KHSRP: variants seen among roughly 807,000 people sequenced by gnomAD.
KHSRP encodes far upstream element-binding protein 2.
In KHSRP, 13 loss-of-function variants were observed where a neutral mutation model predicts 94.9. The ratio of observed to expected loss-of-function variants is 0.14; its 90% CI spans 0.09 to 0.22. The LOEUF is 0.22. KHSRP is among the 10% of genes least tolerant of loss of function. The pLI is 1.00. For synonymous variants in KHSRP, 495 were observed against 401.4 expected, an observed-to-expected ratio of 1.23 and a Z score of -2.79; for missense variants, 710 against 1,010.0, an observed-to-expected ratio of 0.70 and a Z score of 4.03.
At chr19:6,421,348 G>C in intron 3 of KHSRP, 31 bp from the exon 4 acceptor site, 1 of 1,575,526 alleles carries the variant, frequency 6.3e-7, no homozygotes, top group Middle Eastern at 1.7e-4. Context: ...GCAAAGACTG[G>C]CTTAGCTCCT....
intron 4 of KHSRP, 140 bp downstream of exon 4, chr19:6,421,138 C>T (rs2092192621): frequency 2.6e-6 from 2 of 755,834 alleles, no homozygotes; most frequent in Non-Finnish European, 4.4e-6. Context: ...GCCTCATTCC[C>T]GTCTGAGCAC....
At chr19:6,420,378 C>T (rs747452375) in intron 5 of KHSRP, 44 bp downstream of exon 5, 1 of 1,596,276 alleles carries the variant, frequency 6.3e-7, no homozygotes, top group South Asian at 1.1e-5. Context: ...ACACTTCCTC[C>T]TGGGGAAGAG....
chr19:6,415,751 G>C lies in KHSRP; in HGVS notation c.1688-17C>G, dbSNP rs746368203. 3 of 1,551,048 alleles carry C rather than the reference G, an allele frequency of 1.9e-6. No individual in the cohort carries two copies. The South Asian group carries it at 3.6e-5, about 18-fold the overall frequency. On this transcript the variant is annotated splice_polypyrimidine_tract_variant and intron_variant, in intron 16 of 18. Transcript: ENST00000600480. Reference sequence around the variant, plus strand: ...CTGCTTTGCCTGCAGGAGATACCTCGGGTGAGACGGGGGGACAGAACAGGG... The same window carrying C: ...CTGCTTTGCCTGCAGGAGATACCTCCGGTGAGACGGGGGGACAGAACAGGG...
In KHSRP at chr19:6,416,508, A is replaced by G. The variant is rs369680087; in HGVS notation, c.1470T>C (p.Leu490=). ...AACCCACCTCGATCTTTTCCTCGAT[A>G]AGCTGCTTGGCGTGGTCAATCTGCT... The part of the protein sequence containing the change: ...SPQQIDHAKQ[L]IEEKIEGPLC... The change falls in exon 14 of 19, where the codon CTT becomes CTC. Residue 490 remains leucine (L), a synonymous_variant. Coordinates refer to ENST00000600480, the MANE Select transcript of KHSRP (RefSeq NM_001366299.1). 1.1e-5 allele frequency: 17 copies of G among 1,613,074 alleles called. No homozygotes were observed. The African/African-American group carries it at 2.1e-4, about 20-fold the overall frequency.
intron 11 of KHSRP, 125 bp downstream of exon 11, chr19:6,417,613 TG>T: frequency 1.4e-6 from 1 of 702,772 alleles, no homozygotes; most frequent in Non-Finnish European, 2.5e-6. Context: ...TTCTGACGGC[TG>T]GACTAAGAGC....
In KHSRP at chr19:6,414,735, A is replaced by AG; in HGVS notation, c.*288dup. On this transcript the variant is annotated 3_prime_UTR_variant, in exon 19 of 19. Coordinates refer to ENST00000600480, the MANE Select transcript of KHSRP (RefSeq NM_001366299.1). Reference sequence around the variant, plus strand: ...AAAAACCAAAAAAGTGATGCAGAGAAGGGGAAAAAATAGACGTTTTCTTCC... The same window carrying AG: ...AAAAACCAAAAAAGTGATGCAGAGAAGGGGGAAAAAATAGACGTTTTCTTCC... 9.4e-7 allele frequency: 1 copy of AG among 1,059,282 alleles called. No individual in the cohort carries two copies. The highest frequency in any genetic ancestry group is 5.0e-5 in the Admixed American group (1 of 19,820). The allele number at this position is 1,059,282 out of a possible 1,614,324, so 65.6% of individuals were successfully genotyped here.
chr19:6,414,439 C>G lies in KHSRP; in HGVS notation c.*585G>C, dbSNP rs965745959. ...GAGGGCGGTGGCTCCCGGCGCAGCACGACGACATGAACAATCCAGAGATCA... is the reference window on the plus strand; with the variant it reads ...GAGGGCGGTGGCTCCCGGCGCAGCAGGACGACATGAACAATCCAGAGATCA... On this transcript the variant is annotated 3_prime_UTR_variant, in exon 19 of 19. Transcript: ENST00000600480. 8.0e-7 allele frequency: 1 copy of G among 1,243,102 alleles called. No individual in the cohort carries two copies. The highest frequency in any genetic ancestry group is 3.4e-5 in the East Asian group (1 of 29,224). 77.0% of individuals were successfully genotyped at this position (1,243,102 alleles called of 1,614,324 possible).
chr19:6,416,698 AAG>A (rs748126134), intron 13 of KHSRP, 38 bp downstream of exon 13: 13 of 1,612,098 alleles, frequency 8.1e-6, no homozygotes, highest in East Asian at 2.2e-5. Flanking sequence ...TGGCCCAGGG[AAG>A]AGGGGGCAAG....
At chr19:6,417,185 T>A in intron 11 of KHSRP, 98 bp from the exon 12 acceptor site, 7 of 909,764 alleles carry the variant, frequency 7.7e-6, no homozygotes, top group Non-Finnish European at 1.1e-5. Flanking sequence ...CACGCCGGCC[T>A]GAGATCTCAG....
rs370894402 is a variant in KHSRP at position 6,413,676 on chromosome 19, C to G, written c.*1348G>C. The G allele has an allele frequency of 6.7e-4, 108 of 161,982 alleles. 4 individuals are homozygous for G. In the South Asian group the frequency reaches 0.011, roughly 16 times the overall value. 10.0% of individuals were successfully genotyped at this position (161,982 alleles called of 1,614,324 possible). On this transcript the variant is annotated 3_prime_UTR_variant, in exon 19 of 19. Coordinates refer to ENST00000600480, the MANE Select transcript of KHSRP (RefSeq NM_001366299.1). ...CCTTTTTAAAAGTTTATTTTAAAAA[C>G]AAGAGGGCCGAGGGTGGGAGAAAAT...
rs113170492 is a variant in KHSRP at position 6,413,206 on chromosome 19, T to TA, written c.*1817dup. ...GAAGAAAACTATTTTATATTTTTCT[T>TA]AAAAAAAAAAAAACACAAAGTTTGT... On this transcript the variant is annotated 3_prime_UTR_variant, in exon 19 of 19. Transcript: ENST00000600480. The TA allele has an allele frequency of 0.043, 6,114 of 142,304 alleles. 236 individuals are homozygous for TA. Among genetic ancestry groups the TA allele is most frequent in the African/African-American group, 0.11 (4,015 of 37,188 alleles). The allele number at this position is 142,304 out of a possible 1,614,324, so 8.8% of individuals were successfully genotyped here.
Position 6,413,323 on chromosome 19 carries a change from GAGAC to G in KHSRP, c.*1697_*1700del, listed in dbSNP as rs1287852340. 3.6e-5 allele frequency: 11 copies of G among 305,672 alleles called. No individual in the cohort carries two copies. Among genetic ancestry groups the G allele is most frequent in the East Asian group, 2.6e-4 (2 of 7,764 alleles). The allele number at this position is 305,672 out of a possible 1,614,324, so 18.9% of individuals were successfully genotyped here. On this transcript the variant is annotated 3_prime_UTR_variant, in exon 19 of 19. Coordinates refer to ENST00000600480, the MANE Select transcript of KHSRP (RefSeq NM_001366299.1). ...CTACAGGGAGGGAAGGAAAGGGGGG[GAGAC>G]AGACAGCACCCGCAGACGGGGAGGT...
At position 6,413,511 on chromosome 19, in the gene KHSRP, G is replaced by T. The variant is rs1029455702; in HGVS notation, c.*1513C>A. ...CCTGGGAGGGGGGACGGGCGGGGCCGCGGGAGCTGAGCCAGGGCGGGAGGG... is the reference window on the plus strand; with the variant it reads ...CCTGGGAGGGGGGACGGGCGGGGCCTCGGGAGCTGAGCCAGGGCGGGAGGG... On this transcript the variant is annotated 3_prime_UTR_variant, in exon 19 of 19. Coordinates refer to ENST00000600480, the MANE Select transcript of KHSRP (RefSeq NM_001366299.1). 3 of 333,068 alleles carry T rather than the reference G, an allele frequency of 9.0e-6. No individual in the cohort carries two copies. The highest frequency in any genetic ancestry group is 4.5e-5 in the African/African-American group (2 of 44,766). 20.6% of individuals were successfully genotyped at this position (333,068 alleles called of 1,614,324 possible).
rs772215817 is a variant in KHSRP, at chr19:6,415,060, G to A, written c.2208C>T (p.Ser736=). 56 of 1,566,862 alleles carry A rather than the reference G, an allele frequency of 3.6e-5. No homozygotes were observed. Among genetic ancestry groups the A allele is most frequent in the Non-Finnish European group, 4.5e-5 (52 of 1,165,206 alleles). ...PATVHPALVG[S]AGNPFPCGVC... ...CCCCGCAGGGGAAGGGGTTTCCGGC[G>A]CTACCCACTAAGGCAGGATGGACGG... Residue 736 remains serine (S), a synonymous_variant, in exon 19 of 19, where the codon AGC becomes AGT. Coordinates refer to ENST00000600480, the MANE Select transcript of KHSRP (RefSeq NM_001366299.1).
At chr19:6,423,417 A>C (rs1568345847) in intron 1 of KHSRP, among the ~76,000 whole-genome samples, 1 of 152,258 alleles carries the variant, frequency 6.6e-6, no homozygotes, top group Non-Finnish European at 1.5e-5. Context: ...AACCATGTTA[A>C]GAATCTCCCT....
Position 6,417,733 on chromosome 19 carries a change from C to G in KHSRP, c.1081+6G>C. The G allele has an allele frequency of 1.2e-6, 2 of 1,612,722 alleles. No homozygotes were observed. Among genetic ancestry groups the G allele is most frequent in the Non-Finnish European group, 1.7e-6 (2 of 1,178,962 alleles). On this transcript the variant is annotated splice_donor_region_variant and intron_variant, in intron 11 of 18. Coordinates refer to ENST00000600480, the MANE Select transcript of KHSRP (RefSeq NM_001366299.1). ...TGGCCAGGGGCAGGGTGGGCCAGGC[C>G]CTGACCTTGCTTGAACTGTATCCGC...
At chr19:6,424,289 C>G (rs2092216736) in intron 1 of KHSRP, 164 bp downstream of exon 1, 1 of 176,302 alleles carries the variant, frequency 5.7e-6, no homozygotes, top group Non-Finnish European at 1.1e-5. Context: ...GGATCCCACT[C>G]GAGGCGCAGC....
chr19:6,422,918 T>G (rs1433203101), intron 1 of KHSRP, among the ~76,000 whole-genome samples: 1 of 152,144 alleles, frequency 6.6e-6, no homozygotes, highest in Non-Finnish European at 1.5e-5. Context: ...TTTTATCAAT[T>G]TATTGAATAA....
rs1262937525 is a variant in KHSRP, at chr19:6,414,532, G to A, written c.*492C>T. ...CAACGATCTTCACGCCCACTTCACA[G>A]ACAAGCCCGGGACACAGGCAAGCGC... On this transcript the variant is annotated 3_prime_UTR_variant, in exon 19 of 19. Coordinates refer to ENST00000600480, the MANE Select transcript of KHSRP (RefSeq NM_001366299.1). 1 of 1,039,528 alleles carries A rather than the reference G, an allele frequency of 9.6e-7. No individual in the cohort carries two copies. Among genetic ancestry groups the A allele is most frequent in the Non-Finnish European group, 1.2e-6 (1 of 865,302 alleles). The allele number at this position is 1,039,528 out of a possible 1,614,324, so 64.4% of individuals were successfully genotyped here.
Sources: allele counts gnomAD v4.1 joint callset (sites outside exome capture counted in the v4.1 genomes callset), GRCh38; gene constraint gnomAD v4.1.1; transcripts MANE v1.5; gene names NCBI Gene and HGNC (gene_info 2026-07-23, HGNC 2026-07-21).